The following PCDHA3 variants were observed in gnomAD, a reference collection of about 807,000 sequenced individuals.
PCDHA3 encodes protocadherin alpha-3.
Under a neutral mutation model 62.2 loss-of-function variants are expected in PCDHA3, and 41 were observed. That is an observed-to-expected ratio of 0.66 (90% CI 0.51 to 0.86). The LOEUF (loss-of-function observed/expected upper bound fraction) is 0.86, where lower values mean the gene tolerates loss of function less well. Ranked by LOEUF, PCDHA3 falls within the 40% of genes least tolerant of loss-of-function variation. PCDHA3 has a pLI of 0.00. For missense variants in PCDHA3, 1,304 were observed against 1,241.2 expected, an observed-to-expected ratio of 1.05 and a Z score of -0.76; for synonymous variants, 640 against 555.4, an observed-to-expected ratio of 1.15 and a Z score of -2.14.
At chr5:140,959,800 G>A (rs193288186) in intron 1 of PCDHA3, among the ~76,000 whole-genome samples, 1 of 152,080 alleles carries the variant, frequency 6.6e-6, no homozygotes, top group Admixed American at 6.5e-5. Context: ...CTAATTTAGA[G>A]GATTTATATT....
At chr5:140,954,520 A>G (rs1554221455) in intron 1 of PCDHA3, among the ~76,000 whole-genome samples, 1 of 152,192 alleles carries the variant, frequency 6.6e-6, no homozygotes, top group Admixed American at 6.6e-5. Context: ...CCTAATGATC[A>G]GTGATGTTGA....
At chr5:140,923,528 CA>C (rs1240707958) in intron 1 of PCDHA3, among the ~76,000 whole-genome samples, 1 of 151,622 alleles carries the variant, frequency 6.6e-6, no homozygotes, top group Non-Finnish European at 1.5e-5. Context: ...GATTCTGTCC[CA>C]AAAAAAGGAC....
At chr5:140,803,640 C>T in intron 1 of PCDHA3, 49 bp downstream of exon 1, 3 of 1,613,246 alleles carry the variant, frequency 1.9e-6, no homozygotes, top group Non-Finnish European at 2.5e-6. Context: ...TTTTTCATTC[C>T]TCAATGTTTC....
intron 1 of PCDHA3, among the ~76,000 whole-genome samples, chr5:140,926,042 T>A (rs1316278838): frequency 2.0e-5 from 3 of 152,148 alleles, no homozygotes; most frequent in African/African-American, 7.2e-5. Context: ...CGGACACTAT[T>A]CCCCAACCTT....
At chr5:140,868,592 C>T (rs1294333400) in intron 1 of PCDHA3, 1 of 152,974 alleles carries the variant, frequency 6.5e-6, no homozygotes, top group Non-Finnish European at 1.5e-5. Context: ...ATGTTTAACC[C>T]TAGTTTTTCA....
chr5:140,915,684 G>T (rs576904848), intron 1 of PCDHA3, among the ~76,000 whole-genome samples: 5 of 151,572 alleles, frequency 3.3e-5, no homozygotes, highest in South Asian at 4.2e-4. Context: ...TGAACTAGGG[G>T]TATGGTGATG....
rs576274101 is a variant in PCDHA3 at position 140,846,411 on chromosome 5, A to C, written c.2394+42820A>C. On this transcript the variant is annotated intron_variant, in intron 1 of 3. Transcript: ENST00000522353. ...TTTTTTTGAGACGGAGTCTCGCTCTATCTCCCAGGCTGGAATGCAGTGGCG... is the reference window on the plus strand; with the variant it reads ...TTTTTTTGAGACGGAGTCTCGCTCTCTCTCCCAGGCTGGAATGCAGTGGCG... Among the ~76,000 whole-genome samples the C allele has an allele frequency of 2.7e-5, 3 of 109,350 alleles. 1 individual carries two copies. The South Asian group carries it at 8.0e-4, about 29-fold the overall frequency. The allele number at this position is 109,350 out of a possible 152,430, so 71.7% of individuals were successfully genotyped here.
intron 1 of PCDHA3, among the ~76,000 whole-genome samples, chr5:140,961,987 C>T (rs1411300268): frequency 1.3e-5 from 2 of 151,942 alleles, no homozygotes; most frequent in African/African-American, 4.8e-5. Context: ...GGGTTCACGC[C>T]ATTGTCCTGC....
intron 1 of PCDHA3, chr5:140,883,960 G>T (rs2059914384): frequency 3.1e-6 from 5 of 1,613,090 alleles, no homozygotes; most frequent in Non-Finnish European, 4.2e-6. Flanking sequence ...ACGCTCCGGC[G>T]CTGCTGACGC....
chr5:140,834,332 A>G (rs1179395632), intron 1 of PCDHA3: 7 of 1,485,034 alleles, frequency 4.7e-6, no homozygotes, highest in Non-Finnish European at 6.4e-6. Context: ...AAACATTCCT[A>G]TAAATTCGAA....
intron 1 of PCDHA3, chr5:140,829,772 A>C: frequency 6.2e-7 from 1 of 1,613,784 alleles, no homozygotes; most frequent in Non-Finnish European, 8.5e-7. Context: ...CGAGAACGAC[A>C]ACGCGCCGGC....
intron 1 of PCDHA3, chr5:140,883,464 C>G (rs1219426048): frequency 6.2e-7 from 1 of 1,614,044 alleles, no homozygotes; most frequent in African/African-American, 1.3e-5. Flanking sequence ...AAGCTGGTGT[C>G]CACCTACAAG....
Position 140,802,166 on chromosome 5 carries a change from G to C in PCDHA3, c.969G>C (p.Thr323=). The C allele has an allele frequency of 6.2e-7, 1 of 1,614,168 alleles. No individual in the cohort carries two copies. The highest frequency in any genetic ancestry group is 8.5e-7 in the Non-Finnish European group (1 of 1,180,028). The change falls in exon 1 of 4, where the codon ACG becomes ACC. Residue 323 remains threonine (T), a synonymous_variant. Transcript: ENST00000522353. ...CATATGAAATCCAGGTAGAAGCCAC[G>C]GATAAAGGAAATCCCCCAATGTCAG... ...SKSYEIQVEA[T]DKGNPPMSDH... is the part of the protein sequence containing the mutation.
chr5:140,850,139 C>G (rs2041373469), intron 1 of PCDHA3: 1 of 1,595,636 alleles, frequency 6.3e-7, no homozygotes, highest in African/African-American at 1.3e-5. Context: ...TGGGCAGCAA[C>G]GTGACGCTGC....
intron 1 of PCDHA3, chr5:140,822,951 T>C: frequency 6.2e-7 from 1 of 1,614,176 alleles, no homozygotes; most frequent in African/African-American, 1.3e-5. Context: ...TGCCCCACGT[T>C]CCCTTCAAGC....
intron 1 of PCDHA3, among the ~76,000 whole-genome samples, chr5:140,898,903 C>T (rs1323359632): frequency 6.6e-6 from 1 of 152,100 alleles, no homozygotes; most frequent in Non-Finnish European, 1.5e-5. Context: ...AGAGGTCCTT[C>T]ACGTCCCTTG....
rs557764399 is a variant in PCDHA3, at chr5:140,865,245, G to A, written c.2394+61654G>A. On this transcript the variant is annotated intron_variant, in intron 1 of 3. Coordinates refer to ENST00000522353, the MANE Select transcript of PCDHA3 (RefSeq NM_018906.3). ...GGATCCCAGAGAACACGTATTTATA[G>A]CTGTAAGGATGTGTATCAAATTATA... The A allele has an allele frequency of 1.1e-3, 171 of 152,250 alleles. 2 individuals are homozygous for A. The highest frequency in any genetic ancestry group is 3.6e-3 in the African/African-American group (148 of 41,542). 9.4% of individuals were successfully genotyped at this position (152,250 alleles called of 1,614,324 possible).
Position 140,858,030 on chromosome 5 carries a change from C to T in PCDHA3, c.2394+54439C>T, listed in dbSNP as rs534379807. 197 of 1,597,024 alleles carry T rather than the reference C, an allele frequency of 1.2e-4. 17 individuals are homozygous for T. Among genetic ancestry groups the T allele is most frequent in the Middle Eastern group, 3.3e-4 (2 of 5,996 alleles). On this transcript the variant is annotated intron_variant, in intron 1 of 3. Coordinates refer to ENST00000522353, the MANE Select transcript of PCDHA3 (RefSeq NM_018906.3). ...CATGGCGAGCCGTCGCTGACGGCCA[C>T]GGCCACTGTGCTTGTGTCGCTTGTG...
chr5:140,984,042 T>C (rs2097082521), intron 3 of PCDHA3, among the ~76,000 whole-genome samples: 1 of 152,148 alleles, frequency 6.6e-6, no homozygotes, highest in Non-Finnish European at 1.5e-5. Flanking sequence ...ATAAAATAGT[T>C]CATTGACAAA....
Sources: allele counts gnomAD v4.1 joint callset (sites outside exome capture counted in the v4.1 genomes callset), GRCh38; gene constraint gnomAD v4.1.1; transcripts MANE v1.5; gene names NCBI Gene and HGNC (gene_info 2026-07-23, HGNC 2026-07-21).